Variants in CNBD2 observed in about 807,000 individuals in gnomAD.
CNBD2 encodes the protein cyclic nucleotide binding domain containing 2, also known as cyclic nucleotide-binding domain-containing protein 2.
CNBD2 carries 64 observed loss-of-function variants against 63.7 expected under a neutral mutation model. That is an observed-to-expected ratio of 1.00 (90% CI 0.82 to 1.24). CNBD2 has a LOEUF of 1.24. Ranked by LOEUF, CNBD2 falls within the 50% of genes most tolerant of loss-of-function variation. The pLI is 0.00. For synonymous variants in CNBD2, 229 were observed against 255.4 expected (o/e 0.90, Z 0.99); for missense variants, 691 against 713.5 (o/e 0.97, Z 0.36).
At chr20:35,960,827 CCTTCT>C (rs1260975700) in intron 2 of CNBD2, among the ~76,000 whole-genome samples, 8 of 145,738 alleles carry the variant, frequency 5.5e-5, no homozygotes, top group South Asian at 2.3e-4. Context: ...CCTTCCCTTC[CCTTCT>C]CTTCCCTTCT....
At chr20:35,984,437 G>A (rs1383379594) in intron 5 of CNBD2, among the ~76,000 whole-genome samples, 190 bp from the exon 6 acceptor site, 1 of 152,188 alleles carries the variant, frequency 6.6e-6, no homozygotes, top group Non-Finnish European at 1.5e-5. Flanking sequence ...TTTTCCATAA[G>A]CAGCAGATTA....
chr20:35,982,177 G>T (rs2056606939), intron 4 of CNBD2, among the ~76,000 whole-genome samples: 1 of 152,170 alleles, frequency 6.6e-6, no homozygotes, highest in Admixed American at 6.5e-5. Context: ...AGGAGGAAGA[G>T]GAGGAACTGC....
rs150784833 is a variant in CNBD2 at position 36,017,283 on chromosome 20, A to C, written c.1269+6026A>C. ...GCAGAGGGCTGTCTCCTGAAGCCTCATGTGTGGTTATTCAGCATCTGGGAA... is the reference window on the plus strand; with the variant it reads ...GCAGAGGGCTGTCTCCTGAAGCCTCCTGTGTGGTTATTCAGCATCTGGGAA... On this transcript the variant is annotated intron_variant, in intron 10 of 11. Coordinates refer to ENST00000373973, the MANE Select transcript of CNBD2 (RefSeq NM_001365709.1). Among the ~76,000 whole-genome samples, 540 of 152,160 alleles carry C rather than the reference A, an allele frequency of 3.5e-3. 4 individuals carry two copies. Among genetic ancestry groups the C allele is most frequent in the African/African-American group, 0.013 (520 of 41,504 alleles).
At chr20:35,981,560 T>G (rs1436107966) in intron 4 of CNBD2, among the ~76,000 whole-genome samples, 1 of 152,068 alleles carries the variant, frequency 6.6e-6, no homozygotes, top group Non-Finnish European at 1.5e-5. Flanking sequence ...CTCGGCCTCC[T>G]TTGTAGCTGG....
chr20:35,956,391 C>A (rs2056257164), downstream of CNBD2, among the ~76,000 whole-genome samples: 1 of 152,072 alleles, frequency 6.6e-6, no homozygotes, highest in Non-Finnish European at 1.5e-5. Context: ...CACACTGGAC[C>A]CAAATTCCTG....
Position 35,987,467 on chromosome 20 carries a change from G to A in CNBD2, c.789G>A (p.Arg263=). The part of the protein sequence containing the change: ...WQLVAMAKIE[R]FSYGQLISKD... ...TGGTAGCCATGGCGAAGATAGAGAG[G>A]TTCTCGTATGGGCAGCTGATCTCAA... Residue 263 remains arginine, a synonymous_variant, in exon 7 of 12, where the codon AGG becomes AGA. Transcript: ENST00000373973. The A allele has an allele frequency of 6.2e-7, 1 of 1,614,202 alleles. No homozygotes were observed. Among genetic ancestry groups the A allele is most frequent in the Non-Finnish European group, 8.5e-7 (1 of 1,180,016 alleles).
intron 2 of CNBD2, 126 bp downstream of exon 2, chr20:35,972,892 G>A (rs1011296782): frequency 1.2e-6 from 1 of 869,470 alleles, no homozygotes; most frequent in African/African-American, 1.7e-5. Context: ...AGACCCAATG[G>A]TCACTTTTAT....
Position 36,023,439 on chromosome 20 carries a change from G to C in CNBD2, c.1270-163G>C, listed in dbSNP as rs189575729. Among the ~76,000 whole-genome samples the C allele has an allele frequency of 1.0e-3, 158 of 152,208 alleles. 1 individual carries two copies. The highest frequency in any genetic ancestry group is 1.5e-3 in the Non-Finnish European group (102 of 68,022). On this transcript the variant is annotated intron_variant, in intron 10 of 11. Coordinates refer to ENST00000373973, the MANE Select transcript of CNBD2 (RefSeq NM_001365709.1). Reference sequence around the variant, plus strand: ...AGGCAGGAGAATCGTTTGAACCTGGGAGGCAGAGGTTGCAGTGAGCTGAGA... The same window carrying C: ...AGGCAGGAGAATCGTTTGAACCTGGCAGGCAGAGGTTGCAGTGAGCTGAGA...
At chr20:36,018,370 G>A (rs2057163232) in intron 10 of CNBD2, among the ~76,000 whole-genome samples, 1 of 152,188 alleles carries the variant, frequency 6.6e-6, no homozygotes, top group South Asian at 2.1e-4. Context: ...CTTTGGGTGG[G>A]GACTTAGCAC....
chr20:35,986,977 C>T (rs1460737652), intron 6 of CNBD2, among the ~76,000 whole-genome samples: 1 of 152,126 alleles, frequency 6.6e-6, no homozygotes, highest in Non-Finnish European at 1.5e-5. Flanking sequence ...ATGAGCTGCC[C>T]AAAGCAAAGG....
rs745948902 is a variant in CNBD2, at chr20:35,995,123, A to C, written c.941A>C (p.Asp314Ala). 4.3e-6 allele frequency: 7 copies of C among 1,613,986 alleles called. No homozygotes were observed. The highest frequency in any genetic ancestry group is 5.9e-6 in the Non-Finnish European group (7 of 1,179,920). Residue 314 changes from aspartate to alanine, a missense_variant, in exon 8 of 12, where the codon GAT becomes GCT. Physicochemically the swap from Asp to Ala is moderately radical, Grantham distance 126 (BLOSUM62 -2). Transcript: ENST00000373973. ...ATCTGGCAGCACCTGGAGCTGATAGATGGCAGACCTCTGAAGACCCACCTG... is the reference window on the plus strand; with the variant it reads ...ATCTGGCAGCACCTGGAGCTGATAGCTGGCAGACCTCTGAAGACCCACCTG... Reference protein sequence around the residue: ...RWIWQHLELIDGRPLKTHLSE... With the variant: ...RWIWQHLELIAGRPLKTHLSE...
downstream of CNBD2, among the ~76,000 whole-genome samples, chr20:35,960,350 G>A (rs1289751798): frequency 2.6e-5 from 4 of 152,192 alleles, no homozygotes; most frequent in African/African-American, 9.7e-5. Context: ...ATTTGACAGA[G>A]TCTGTCATCC....
At chr20:35,999,219 T>G (rs1039163269) in intron 8 of CNBD2, among the ~76,000 whole-genome samples, 2 of 152,230 alleles carry the variant, frequency 1.3e-5, no homozygotes, top group Non-Finnish European at 2.9e-5. Flanking sequence ...AAAGTGAATT[T>G]CTTAAAGGCA....
At chr20:35,959,772 G>T (rs1269047201), downstream of CNBD2, among the ~76,000 whole-genome samples, 2 of 152,120 alleles carry the variant, frequency 1.3e-5, no homozygotes, top group Admixed American at 1.3e-4. Flanking sequence ...TAATTAACTT[G>T]CCCAGGTTCA....
At chr20:36,016,682 G>A (rs1437322205) in intron 10 of CNBD2, among the ~76,000 whole-genome samples, 3 of 151,682 alleles carry the variant, frequency 2.0e-5, no homozygotes, top group Non-Finnish European at 2.9e-5. Flanking sequence ...CCAGGTACTC[G>A]GGAAGCTGAG....
At chr20:35,991,616 G>A (rs1348930487) in intron 7 of CNBD2, among the ~76,000 whole-genome samples, 2 of 152,094 alleles carry the variant, frequency 1.3e-5, no homozygotes, top group Non-Finnish European at 2.9e-5. Context: ...GTGTGGTGAG[G>A]GATAGAAATC....
At chr20:35,987,340 G>T (rs2056681403) in intron 6 of CNBD2, 55 bp from the exon 7 acceptor site, 1 of 1,606,740 alleles carries the variant, frequency 6.2e-7, no homozygotes, top group South Asian at 1.1e-5. Flanking sequence ...AGATTGCTAA[G>T]GTCTGGGCAC....
chr20:35,955,864 C>T (rs1051820895), downstream of CNBD2, among the ~76,000 whole-genome samples: 1 of 152,108 alleles, frequency 6.6e-6, no homozygotes, highest in Non-Finnish European at 1.5e-5. Context: ...GGATTACAGG[C>T]GCCCACCACC....
At chr20:35,967,750 G>A (rs529126947), upstream of CNBD2, among the ~76,000 whole-genome samples, 38 of 152,124 alleles carry the variant, frequency 2.5e-4, no homozygotes, top group South Asian at 1.9e-3. Flanking sequence ...CTACTTGGGC[G>A]GCTGAGGCAG....
Sources: allele counts gnomAD v4.1 joint callset (sites outside exome capture counted in the v4.1 genomes callset), GRCh38; gene constraint gnomAD v4.1.1; transcripts MANE v1.5; gene names NCBI Gene and HGNC (gene_info 2026-07-23, HGNC 2026-07-21).